RUNX3: variants seen among roughly 807,000 people sequenced by gnomAD.
The protein encoded by RUNX3 is RUNX family transcription factor 3, also known as runt-related transcription factor 3.
In RUNX3, 10 loss-of-function variants were observed where a neutral mutation model predicts 27.7. That is an observed-to-expected ratio of 0.36 (90% CI 0.22 to 0.61). The LOEUF is 0.61. Among genes scored for constraint, RUNX3 ranks in the 20% least tolerant of loss-of-function variants. The pLI, the probability that RUNX3 is intolerant of heterozygous loss-of-function variation, is 0.72. For synonymous variants in RUNX3, 270 were observed against 269.2 expected, an observed-to-expected ratio of 1.00 and a Z score of -0.03; for missense variants, 469 against 629.5, an observed-to-expected ratio of 0.75 and a Z score of 2.73.
At chr1:24,903,866 G>T (rs373604924) in intron 4 of RUNX3, among the ~76,000 whole-genome samples, 1 of 152,298 alleles carries the variant, frequency 6.6e-6, no homozygotes, top group East Asian at 1.9e-4. Context: ...ACCTCTCTGC[G>T]CATCAGTTTC....
chr1:24,923,497 A>C lies in RUNX3; in HGVS notation c.439+4077T>G, dbSNP rs1641039498. ...AGGAAGTGTAAACCCAGGCTCTCTG[A>C]GGGCTGGCCCTGGTTGCAGGGGAGA... On this transcript the variant is annotated intron_variant, in intron 2 of 4. Coordinates refer to ENST00000308873, the MANE Select transcript of RUNX3 (RefSeq NM_004350.3). This position sits in a 1 kb window ranked among gnomAD's most constrained non-coding sequence, Gnocchi z 5.9. Among the ~76,000 whole-genome samples, 1 of 152,166 alleles carries C rather than the reference A, an allele frequency of 6.6e-6. No homozygotes were observed. Among genetic ancestry groups the C allele is most frequent in the Non-Finnish European group, 1.5e-5 (1 of 68,026 alleles).
chr1:24,946,704 G>C (rs1013063948), intron 2 of RUNX3, among the ~76,000 whole-genome samples: 1 of 152,092 alleles, frequency 6.6e-6, no homozygotes, highest in East Asian at 1.9e-4. Context: ...GACAGATTCT[G>C]GGACTGGGGT....
intron 3 of RUNX3, among the ~76,000 whole-genome samples, chr1:24,914,795 C>T (rs547778711): frequency 3.5e-4 from 53 of 152,264 alleles, no homozygotes; most frequent in African/African-American, 1.1e-3. Context: ...CCTTCAAAGG[C>T]CCAACTGCGG....
chr1:24,931,530 C>A (rs1251760111), upstream of RUNX3, among the ~76,000 whole-genome samples: 2 of 152,214 alleles, frequency 1.3e-5, no homozygotes, highest in Admixed American at 1.3e-4. Flanking sequence ...GGGGAACGAA[C>A]GCGTGCTGAG....
At position 24,902,057 on chromosome 1, in the gene RUNX3, G is replaced by A. The variant is rs867996751; in HGVS notation, c.*65C>T. ...ATTCCCGCCCGGAGCCTCGGAGCCG[G>A]CCCATCACTGGTCTTGAAGGTTGTT... On this transcript the variant is annotated 3_prime_UTR_variant, in exon 5 of 5. Transcript: ENST00000308873. The surrounding 1 kb of genome is among the most constrained non-coding windows in gnomAD (Gnocchi z 9.2). 10 of 1,400,330 alleles carry A rather than the reference G, an allele frequency of 7.1e-6. No homozygotes were observed. In the African/African-American group the frequency reaches 8.6e-5, roughly 12 times the overall value. The allele number at this position is 1,400,330 out of a possible 1,614,324, so 86.7% of individuals were successfully genotyped here. A position where few individuals can be genotyped will look rare whatever the true frequency, so the allele number is the denominator to read the frequency against.
intron 2 of RUNX3, among the ~76,000 whole-genome samples, chr1:24,925,706 C>T (rs1641085993): frequency 6.6e-6 from 1 of 152,190 alleles, no homozygotes; most frequent in African/African-American, 2.4e-5. Flanking sequence ...ATCGGAACTC[C>T]TCCTCAGATC....
intron 2 of RUNX3, chr1:24,964,414 A>T: frequency 1.1e-6 from 1 of 921,252 alleles, no homozygotes; most frequent in Non-Finnish European, 1.7e-6. Context: ...TTAGGCGGAC[A>T]GGCTGTGCGC....
chr1:24,956,377 T>C (rs1447003964), intron 2 of RUNX3, among the ~76,000 whole-genome samples: 1 of 152,272 alleles, frequency 6.6e-6, no homozygotes, highest in African/African-American at 2.4e-5. Context: ...TTACCTGCCA[T>C]CATGGCGGAC....
At chr1:24,948,203 G>A (rs1171529118) in intron 2 of RUNX3, among the ~76,000 whole-genome samples, 1 of 152,238 alleles carries the variant, frequency 6.6e-6, no homozygotes. Flanking sequence ...AAGAAGAGCA[G>A]CGTGGGTAGG....
intron 2 of RUNX3, among the ~76,000 whole-genome samples, chr1:24,964,207 C>T (rs141682513): frequency 0.013 from 1,945 of 152,314 alleles, 26 homozygotes; most frequent in Non-Finnish European, 0.02. Context: ...AGCAGCAAGC[C>T]GAGGGTCCCT....
At position 24,956,972 on chromosome 1, in the gene RUNX3, C is replaced by A. The variant is rs945729210; in HGVS notation, c.58+7542G>T. ...CTCAGGTGTGCATGATGGGAAGGGA[C>A]CTGCATTTACAAAAGCTCCCCCCCA... On this transcript the variant is annotated intron_variant, in intron 2 of 6. Coordinates refer to the RUNX3 transcript ENST00000338888. Among the ~76,000 whole-genome samples the A allele has an allele frequency of 2.0e-5, 3 of 152,316 alleles. No homozygotes were observed. In the South Asian group the frequency reaches 6.2e-4, roughly 32 times the overall value.
chr1:24,909,564 G>C (rs147791516), intron 3 of RUNX3, among the ~76,000 whole-genome samples: 2 of 152,282 alleles, frequency 1.3e-5, no homozygotes, highest in Non-Finnish European at 2.9e-5. Context: ...GCTACGGAAG[G>C]GATTCAACAA....
rs546349204 is a variant in RUNX3 at position 24,904,339 on chromosome 1, G to C, written c.704-1673C>G. Among the ~76,000 whole-genome samples, 6 of 152,340 alleles carry C rather than the reference G, an allele frequency of 3.9e-5. No homozygotes were observed. The South Asian group carries it at 1.2e-3, about 32-fold the overall frequency. ...CAGCTGGGGTATGTTTCCCTCAGCA[G>C]CGTACTCTGGCCCTGGGCGTGGATC... is the stretch of plus-strand genomic sequence containing the variant. On this transcript the variant is annotated intron_variant, in intron 4 of 4. Coordinates refer to ENST00000308873, the MANE Select transcript of RUNX3 (RefSeq NM_004350.3). This position sits in a 1 kb window ranked among gnomAD's most constrained non-coding sequence, Gnocchi z 5.7.
At chr1:24,938,741 G>A (rs1001280364) in intron 2 of RUNX3, among the ~76,000 whole-genome samples, 3 of 152,250 alleles carry the variant, frequency 2.0e-5, no homozygotes, top group African/African-American at 7.2e-5. Flanking sequence ...GAATGGATTA[G>A]GCCCTCTTTG....
At chr1:24,914,213 G>A (rs886979491) in intron 3 of RUNX3, among the ~76,000 whole-genome samples, 61 of 152,204 alleles carry the variant, frequency 4.0e-4, no homozygotes, top group African/African-American at 1.4e-3. Context: ...AAGCAGAGTC[G>A]GGCAGGGCCA....
intron 3 of RUNX3, among the ~76,000 whole-genome samples, chr1:24,915,807 G>A (rs1389888859): frequency 6.6e-6 from 1 of 152,156 alleles, no homozygotes; most frequent in Non-Finnish European, 1.5e-5. Flanking sequence ...AGGCTAGGGG[G>A]GCGTGAGGGC....
intron 3 of RUNX3, among the ~76,000 whole-genome samples, chr1:24,910,482 T>TG (rs1227697408): frequency 6.6e-6 from 1 of 151,674 alleles, no homozygotes; most frequent in Non-Finnish European, 1.5e-5. Flanking sequence ...ACTCGAAAAG[T>TG]GGGAAAAGCC....
intron 2 of RUNX3, among the ~76,000 whole-genome samples, chr1:24,948,692 A>G (rs929050585): frequency 7.6e-6 from 1 of 131,428 alleles, no homozygotes; most frequent in Non-Finnish European, 1.6e-5. Flanking sequence ...ACAGAGGTGC[A>G]TGGGAGAGAA....
At chr1:24,963,350 C>A (rs953658174) in intron 2 of RUNX3, among the ~76,000 whole-genome samples, 3 of 152,218 alleles carry the variant, frequency 2.0e-5, no homozygotes, top group Admixed American at 1.3e-4. Flanking sequence ...GGCCAATGGG[C>A]TGGAGGGTAG....
Sources: gnomAD v4.1 joint callset for allele counts (sites outside exome capture counted in the v4.1 genomes callset) on GRCh38, gnomAD v4.1.1 for gene constraint, Gnocchi (gnomAD v3.1) non-coding constraint, MANE v1.5 for transcripts, NCBI Gene and HGNC (gene_info 2026-07-23, HGNC 2026-07-21) for gene names.